PPM1L: variants seen among roughly 807,000 people sequenced by gnomAD.
PPM1L encodes protein phosphatase, Mg2+/Mn2+ dependent 1L, also known as protein phosphatase 1L.
Under a neutral mutation model 31.4 loss-of-function variants are expected in PPM1L, and 13 were observed. That is an observed-to-expected ratio of 0.41 (90% CI 0.27 to 0.66). PPM1L has a LOEUF of 0.66. Ranked by LOEUF, PPM1L falls within the 30% of genes least tolerant of loss-of-function variation. PPM1L has a pLI of 0.29. For missense variants in PPM1L, 326 were observed against 453.7 expected, an observed-to-expected ratio of 0.72 and a Z score of 2.56; for synonymous variants, 184 against 175.4, an observed-to-expected ratio of 1.05 and a Z score of -0.39.
At chr3:160,994,490 A>G (rs1024648854) in intron 2 of PPM1L, among the ~76,000 whole-genome samples, 3 of 152,224 alleles carry the variant, frequency 2.0e-5, no homozygotes, top group Admixed American at 2.0e-4. Context: ...CCTGTGTTCC[A>G]TGGGACAGCC....
intron 1 of PPM1L, among the ~76,000 whole-genome samples, chr3:160,952,240 A>G (rs1029351163): frequency 7.2e-5 from 11 of 152,210 alleles, no homozygotes; most frequent in African/African-American, 2.4e-4. Flanking sequence ...CTGGAGCCAA[A>G]GAGCAGCTGT....
intron 2 of PPM1L, among the ~76,000 whole-genome samples, chr3:161,003,717 T>C (rs1363792868): frequency 6.6e-6 from 1 of 152,244 alleles, no homozygotes; most frequent in Non-Finnish European, 1.5e-5. Context: ...TGAAGTTGCC[T>C]ATCAGCTTAA....
At chr3:160,942,017 C>T (rs1054732142) in intron 1 of PPM1L, among the ~76,000 whole-genome samples, 1 of 152,184 alleles carries the variant, frequency 6.6e-6, no homozygotes, top group Non-Finnish European at 1.5e-5. Context: ...AGGACAACCA[C>T]GCTTACTACT....
chr3:160,807,809 CTT>C (rs780117248), intron 1 of PPM1L, among the ~76,000 whole-genome samples: 1,558 of 138,804 alleles, frequency 0.011, 24 homozygotes, highest in African/African-American at 0.037. Context: ...TGCTTGGGCA[CTT>C]TTTTTTTTTT....
chr3:160,800,555 C>T (rs1712393194), intron 1 of PPM1L, among the ~76,000 whole-genome samples: 2 of 152,030 alleles, frequency 1.3e-5, no homozygotes, highest in African/African-American at 4.8e-5. Context: ...GAGAAATCTT[C>T]TGAGTTTTTT....
chr3:160,826,131 A>G (rs535445882), intron 1 of PPM1L, among the ~76,000 whole-genome samples: 2 of 152,264 alleles, frequency 1.3e-5, no homozygotes, highest in African/African-American at 2.4e-5. Flanking sequence ...CCTTGGCATC[A>G]CAGTCAGGAT....
At chr3:161,000,154 T>C (rs1717437754) in intron 2 of PPM1L, among the ~76,000 whole-genome samples, 1 of 152,216 alleles carries the variant, frequency 6.6e-6, no homozygotes, top group African/African-American at 2.4e-5. Flanking sequence ...TTTGGACTTG[T>C]CCAGTTTAAG....
In PPM1L at chr3:160,814,579, A is replaced by G. The variant is rs966937308; in HGVS notation, c.399+57872A>G. On this transcript the variant is annotated intron_variant, in intron 1 of 3. Coordinates refer to ENST00000498165, the MANE Select transcript of PPM1L (RefSeq NM_139245.4). ...CACACATATGTATGTATGTGTATAT[A>G]TATACACACACATATGTATGTATGT... is the stretch of plus-strand genomic sequence containing the variant. Among the ~76,000 whole-genome samples, 3 of 90,050 alleles carry G rather than the reference A, an allele frequency of 3.3e-5. 1 individual carries two copies. Among genetic ancestry groups the G allele is most frequent in the Admixed American group, 2.1e-4 (2 of 9,666 alleles). 59.1% of individuals were successfully genotyped at this position (90,050 alleles called of 152,430 possible).
intron 1 of PPM1L, among the ~76,000 whole-genome samples, chr3:160,958,574 CA>C (rs1715855076): frequency 6.6e-6 from 1 of 152,052 alleles, no homozygotes; most frequent in Non-Finnish European, 1.5e-5. Context: ...TTTCCAGTGT[CA>C]GGGAAAAAAT....
intron 2 of PPM1L, among the ~76,000 whole-genome samples, chr3:161,050,472 T>A (rs966815085): frequency 6.6e-6 from 1 of 152,210 alleles, no homozygotes; most frequent in Admixed American, 6.5e-5. Context: ...AAAATTCAAA[T>A]CAACTTTAAA....
intron 2 of PPM1L, among the ~76,000 whole-genome samples, chr3:160,976,823 A>G (rs1301950107): frequency 6.6e-6 from 1 of 152,164 alleles, no homozygotes; most frequent in Non-Finnish European, 1.5e-5. Context: ...TCAAAAAACC[A>G]GCTCCTGGAT....
intron 1 of PPM1L, among the ~76,000 whole-genome samples, chr3:160,882,573 A>G (rs997175070): frequency 6.6e-6 from 1 of 152,216 alleles, no homozygotes; most frequent in African/African-American, 2.4e-5. Context: ...CCACTGTCAT[A>G]TGACCTCATC....
At chr3:161,054,771 T>A (rs1386378361) in intron 2 of PPM1L, among the ~76,000 whole-genome samples, 4 of 152,178 alleles carry the variant, frequency 2.6e-5, no homozygotes, top group Non-Finnish European at 4.4e-5. Context: ...AAATTATGTA[T>A]GCCAAGGACT....
At chr3:160,867,532 C>T (rs1712136351) in intron 1 of PPM1L, among the ~76,000 whole-genome samples, 1 of 121,886 alleles carries the variant, frequency 8.2e-6, no homozygotes, top group Non-Finnish European at 2.1e-5. Flanking sequence ...TCCTGGCTTC[C>T]TTCCTTTCCC....
chr3:160,848,652 C>T (rs1316750313), intron 1 of PPM1L, among the ~76,000 whole-genome samples: 3 of 152,170 alleles, frequency 2.0e-5, no homozygotes, highest in Non-Finnish European at 2.9e-5. Flanking sequence ...TGACCATAAT[C>T]CTTAGATTGG....
intron 1 of PPM1L, among the ~76,000 whole-genome samples, chr3:160,908,222 G>T (rs1041616446): frequency 6.6e-6 from 1 of 152,042 alleles, no homozygotes; most frequent in Admixed American, 6.5e-5. Flanking sequence ...TTTGTTGTTG[G>T]TTTTCTTTTT....
At chr3:160,914,805 A>G (rs1207478021) in intron 1 of PPM1L, among the ~76,000 whole-genome samples, 1 of 152,160 alleles carries the variant, frequency 6.6e-6, no homozygotes, top group Non-Finnish European at 1.5e-5. Context: ...GTATATACCC[A>G]GTAATGGGAT....
intron 1 of PPM1L, among the ~76,000 whole-genome samples, chr3:160,833,232 G>A (rs1257198832): frequency 6.6e-6 from 1 of 152,192 alleles, no homozygotes; most frequent in Non-Finnish European, 1.5e-5. Flanking sequence ...ATGAACATAA[G>A]TATGCATGTA....
At chr3:160,966,109 T>C (rs1444233867) in intron 2 of PPM1L, among the ~76,000 whole-genome samples, 1 of 152,008 alleles carries the variant, frequency 6.6e-6, no homozygotes, top group Non-Finnish European at 1.5e-5. Context: ...GCAAAAACCA[T>C]GTGTGTGCAA....
Sources: gnomAD v4.1 joint callset for allele counts (sites outside exome capture counted in the v4.1 genomes callset) on GRCh38, gnomAD v4.1.1 for gene constraint, MANE v1.5 for transcripts, NCBI Gene and HGNC (gene_info 2026-07-23, HGNC 2026-07-21) for gene names.